The following PCDH15 variants were observed in gnomAD, a reference collection of about 807,000 sequenced individuals.
The protein encoded by PCDH15 is protocadherin-15.
Under a neutral mutation model 178.5 loss-of-function variants are expected in PCDH15, and 129 were observed. The observed-to-expected ratio is 0.72, with a 90% CI of 0.63 to 0.84. The LOEUF (loss-of-function observed/expected upper bound fraction) is 0.84, where lower values mean the gene tolerates loss of function less well. PCDH15 is among the 40% of genes least tolerant of loss of function. PCDH15 has a pLI of 0.00. For missense variants in PCDH15, 2,230 were observed against 2,099.9 expected (o/e 1.06, Z -1.21); for synonymous variants, 800 against 732.0 (o/e 1.09, Z -1.50).
At chr10:55,493,810 T>G (rs1391488643) in intron 2 of PCDH15, among the ~76,000 whole-genome samples, 1 of 151,854 alleles carries the variant, frequency 6.6e-6, no homozygotes, top group Non-Finnish European at 1.5e-5. Flanking sequence ...GAGCAGTCAC[T>G]CAAATCCAAA....
intron 1 of PCDH15, among the ~76,000 whole-genome samples, chr10:54,712,645 A>G (rs763627271): frequency 3.0e-4 from 45 of 152,004 alleles, no homozygotes; most frequent in Admixed American, 5.3e-4. Flanking sequence ...GTACAAAACT[A>G]AGGGGGCAGT....
At chr10:54,020,156 C>A (rs2092869835) in intron 20 of PCDH15, 36 bp downstream of exon 20, 8 of 1,586,428 alleles carry the variant, frequency 5.0e-6, no homozygotes, top group Non-Finnish European at 6.9e-6. Flanking sequence ...GTAGAGAGAG[C>A]AAAGCAGGCA....
intron 2 of PCDH15, among the ~76,000 whole-genome samples, chr10:55,434,314 C>A (rs61851136): frequency 1.3e-5 from 2 of 151,476 alleles, no homozygotes; most frequent in African/African-American, 2.4e-5. Flanking sequence ...CCTTGGCCTC[C>A]CAAAGTGCTG....
At chr10:55,564,885 A>T (rs1260385576) in intron 2 of PCDH15, among the ~76,000 whole-genome samples, 1 of 151,766 alleles carries the variant, frequency 6.6e-6, no homozygotes, top group Non-Finnish European at 1.5e-5. Context: ...AAAAATAAAT[A>T]GTTCTACAAT....
chr10:54,143,613 G>T (rs927172551), intron 14 of PCDH15, among the ~76,000 whole-genome samples: 6 of 152,098 alleles, frequency 3.9e-5, no homozygotes, highest in African/African-American at 1.4e-4. Flanking sequence ...TTGATTGCAT[G>T]GACTAAACTA....
In PCDH15 at chr10:54,213,920, T is replaced by C. The variant is rs1490602638; in HGVS notation, c.1098+16A>G. On this transcript the variant is annotated intron_variant, in intron 10 of 37. Transcript: ENST00000644397. ...AGTTCATAAACACAAGGAAATAAGA[T>C]ATTAGCTTAATTTACCTTAATAACC... 1 of 1,447,590 alleles carries C rather than the reference T, an allele frequency of 6.9e-7. No homozygotes were observed. Among genetic ancestry groups the C allele is most frequent in the Non-Finnish European group, 9.7e-7 (1 of 1,029,760 alleles). 89.7% of individuals were successfully genotyped at this position (1,447,590 alleles called of 1,614,324 possible). A position where few individuals can be genotyped will look rare whatever the true frequency, so the allele number is the denominator to read the frequency against.
At chr10:55,191,331 T>A (rs1217864592) in intron 1 of PCDH15, among the ~76,000 whole-genome samples, 1 of 151,870 alleles carries the variant, frequency 6.6e-6, no homozygotes, top group African/African-American at 2.4e-5. Flanking sequence ...CCTATATTAT[T>A]CACTTACATG....
chr10:55,616,887 T>G (rs1027239035), intron 2 of PCDH15, among the ~76,000 whole-genome samples: 3 of 152,134 alleles, frequency 2.0e-5, no homozygotes, highest in African/African-American at 7.2e-5. Context: ...AAAGTGTTAT[T>G]TAATATAGTA....
rs192876550 is a variant in PCDH15 at position 54,556,466 on chromosome 10, A to G, written c.92-28589T>C. On this transcript the variant is annotated intron_variant, in intron 2 of 37. Transcript: ENST00000644397. ...TTCAGGTTGATTCCAACTACTACTT[A>G]TAGCTCAGAAAGTATATAATGTGTT... Among the ~76,000 whole-genome samples, 297 of 152,280 alleles carry G rather than the reference A, an allele frequency of 2.0e-3. 1 individual carries two copies. The highest frequency in any genetic ancestry group is 6.9e-3 in the African/African-American group (287 of 41,550).
intron 2 of PCDH15, among the ~76,000 whole-genome samples, chr10:55,088,427 C>G (rs907863391): frequency 6.6e-6 from 1 of 151,868 alleles, no homozygotes; most frequent in Non-Finnish European, 1.5e-5. Context: ...CGCCACCATG[C>G]CAGGTTAATT....
At chr10:55,016,098 TAAAA>T (rs199893494) in intron 2 of PCDH15, among the ~76,000 whole-genome samples, 36,521 of 115,436 alleles carry the variant, frequency 0.32, 5,796 homozygotes, top group Non-Finnish European at 0.38. Flanking sequence ...CTTTTTTTTT[TAAAA>T]AAAAAAAAAA....
chr10:53,914,830 C>A (rs1161172760), intron 25 of PCDH15, among the ~76,000 whole-genome samples: 1 of 152,080 alleles, frequency 6.6e-6, no homozygotes, highest in African/African-American at 2.4e-5. Flanking sequence ...ACAGATTTCT[C>A]TAAAAAGTTT....
intron 3 of PCDH15, among the ~76,000 whole-genome samples, chr10:54,880,959 G>T (rs1954251916): frequency 1.3e-5 from 2 of 151,734 alleles, no homozygotes; most frequent in South Asian, 2.1e-4. Context: ...AGGAACAAAA[G>T]AATACTCCTG....
chr10:53,920,757 C>T (rs1049046749), intron 25 of PCDH15, among the ~76,000 whole-genome samples: 6 of 152,110 alleles, frequency 3.9e-5, no homozygotes, highest in Non-Finnish European at 7.4e-5. Flanking sequence ...CCCTGGCTTA[C>T]GCTAGTAAAG....
At chr10:53,981,552 A>G (rs1404477865) in intron 21 of PCDH15, among the ~76,000 whole-genome samples, 1 of 151,972 alleles carries the variant, frequency 6.6e-6, no homozygotes, top group Non-Finnish European at 1.5e-5. Flanking sequence ...AAACCTGAGA[A>G]AAACAAGCAA....
chr10:54,929,779 A>T (rs1837722724), intron 2 of PCDH15, among the ~76,000 whole-genome samples: 1 of 152,216 alleles, frequency 6.6e-6, no homozygotes, highest in Non-Finnish European at 1.5e-5. Flanking sequence ...ACATAGCAAC[A>T]ATCAGCTGGA....
chr10:53,810,563 T>A lies in PCDH15; in HGVS notation c.4664A>T (p.Glu1555Val). 6.2e-7 allele frequency: 1 copy of A among 1,613,206 alleles called. No individual in the cohort carries two copies. Among genetic ancestry groups the A allele is most frequent in the Non-Finnish European group, 8.5e-7 (1 of 1,179,396 alleles). ...TAAAATTACAGTAATTACCTCTTCC[T>A]CCTCATATTCTTCCTCAGCTTCACC... The part of the protein sequence containing the change: ...VVGEAEEEYE[E>V]EEWARKRMIK... Residue 1555 changes from glutamate (E) to valine (V), a missense_variant, in exon 37 of 38, where the codon GAG becomes GTG. Glu to Val is a moderately radical substitution (Grantham distance 121, BLOSUM62 -2). Coordinates refer to ENST00000644397, the MANE Select transcript of PCDH15 (RefSeq NM_001384140.1).
chr10:54,613,639 A>G (rs1021876278), intron 2 of PCDH15, among the ~76,000 whole-genome samples: 4 of 151,742 alleles, frequency 2.6e-5, no homozygotes, highest in Non-Finnish European at 1.5e-5. Context: ...GATTTTTTGA[A>G]CAATCTGAAG....
intron 3 of PCDH15, among the ~76,000 whole-genome samples, chr10:54,823,221 A>ACACACACGCACACG (rs1554802973): frequency 2.0e-5 from 3 of 151,308 alleles, no homozygotes; most frequent in Admixed American, 6.6e-5. Context: ...ACACACACAC[A>ACACACACGCACACG]CACACGCACA....
Sources: allele counts gnomAD v4.1 joint callset (sites outside exome capture counted in the v4.1 genomes callset), GRCh38; gene constraint gnomAD v4.1.1; transcripts MANE v1.5; gene names NCBI Gene and HGNC (gene_info 2026-07-23, HGNC 2026-07-21).